The following TGFBR3 variants were observed in gnomAD, a reference collection of about 807,000 sequenced individuals.
TGFBR3 encodes transforming growth factor beta receptor type 3.
TGFBR3 carries 46 observed loss-of-function variants against 87.9 expected under a neutral mutation model. The observed-to-expected ratio is 0.52, with a 90% CI of 0.41 to 0.67. The LOEUF is 0.67. TGFBR3 is among the 30% of genes least tolerant of loss of function. The pLI, the probability that TGFBR3 is intolerant of heterozygous loss-of-function variation, is 0.00. For synonymous variants in TGFBR3, 381 were observed against 391.6 expected, an observed-to-expected ratio of 0.97 and a Z score of 0.32; for missense variants, 866 against 1,041.9, an observed-to-expected ratio of 0.83 and a Z score of 2.32.
At chr1:91,856,074 G>GT (rs1557746953) in intron 2 of TGFBR3, among the ~76,000 whole-genome samples, 1 of 151,870 alleles carries the variant, frequency 6.6e-6, no homozygotes, top group Non-Finnish European at 1.5e-5. Context: ...TGAGTTTTTT[G>GT]TTTTTTGAGA....
chr1:91,733,973 T>G (rs1672862190), intron 5 of TGFBR3, among the ~76,000 whole-genome samples: 1 of 144,214 alleles, frequency 6.9e-6, no homozygotes, highest in Non-Finnish European at 1.5e-5. Flanking sequence ...AGGTTGAGGC[T>G]GCAGTGAGCA....
At chr1:91,741,138 A>G (rs1438009741) in intron 4 of TGFBR3, among the ~76,000 whole-genome samples, 3 of 152,214 alleles carry the variant, frequency 2.0e-5, no homozygotes, top group South Asian at 2.1e-4. Context: ...CGCACAGATT[A>G]AGGGCTCAGT....
chr1:91,846,124 C>T (rs914062622), intron 2 of TGFBR3, among the ~76,000 whole-genome samples: 1 of 152,178 alleles, frequency 6.6e-6, no homozygotes, highest in African/African-American at 2.4e-5. Context: ...TAGCCACAAG[C>T]ACTTCTCCAA....
Position 91,886,136 on chromosome 1 carries a change from C to A in TGFBR3, c.-372G>T. The A allele has an allele frequency of 2.2e-6, 1 of 454,126 alleles. No homozygotes were observed. Among genetic ancestry groups the A allele is most frequent in the South Asian group, 1.6e-5 (1 of 64,480 alleles). 28.1% of individuals were successfully genotyped at this position (454,126 alleles called of 1,614,324 possible). ...GAAGAGGAAAGTGCCGCTCGGCGTC[C>A]CCGAAACCCTCGATTACCCCCATCA... On this transcript the variant is annotated 5_prime_UTR_variant, in exon 1 of 17. Coordinates refer to ENST00000212355, the MANE Select transcript of TGFBR3 (RefSeq NM_003243.5).
At chr1:91,835,458 G>A (rs1018172965) in intron 2 of TGFBR3, among the ~76,000 whole-genome samples, 1 of 152,150 alleles carries the variant, frequency 6.6e-6, no homozygotes, top group Non-Finnish European at 1.5e-5. Flanking sequence ...AAAGGTTGGG[G>A]GCTTAGTCAA....
chr1:91,806,939 G>A (rs1675857278), intron 2 of TGFBR3, among the ~76,000 whole-genome samples: 1 of 152,184 alleles, frequency 6.6e-6, no homozygotes, highest in Non-Finnish European at 1.5e-5. Context: ...CACCCAGGAT[G>A]ATTTCTCAGC....
At chr1:91,804,770 T>C (rs1448651967) in intron 2 of TGFBR3, among the ~76,000 whole-genome samples, 1 of 152,200 alleles carries the variant, frequency 6.6e-6, no homozygotes, top group African/African-American at 2.4e-5. Context: ...GCTGCTACTG[T>C]AGGCCCTCAC....
At chr1:91,775,278 T>G (rs181862002) in intron 3 of TGFBR3, among the ~76,000 whole-genome samples, 243 of 152,278 alleles carry the variant, frequency 1.6e-3, no homozygotes, top group Non-Finnish European at 2.6e-3. Context: ...AAGAAACAAC[T>G]TCTTACTCCG....
intron 3 of TGFBR3, chr1:91,783,298 A>G (rs1674840894): frequency 6.6e-6 from 1 of 152,140 alleles, no homozygotes; most frequent in Non-Finnish European, 1.5e-5. Context: ...AGCCATAAAT[A>G]CAAAGCATTA....
At chr1:91,754,753 G>A (rs771072955) in intron 4 of TGFBR3, among the ~76,000 whole-genome samples, 5 of 152,068 alleles carry the variant, frequency 3.3e-5, no homozygotes, top group Non-Finnish European at 7.4e-5. Flanking sequence ...GTAACATAAG[G>A]CCCTCCTAAC....
intron 4 of TGFBR3, among the ~76,000 whole-genome samples, chr1:91,739,836 T>C (rs1257767791): frequency 6.6e-6 from 1 of 152,088 alleles, no homozygotes; most frequent in African/African-American, 2.4e-5. Context: ...AAACTTACAA[T>C]CATGGTGGAA....
At chr1:91,697,774 C>G (rs1326374895) in intron 15 of TGFBR3, among the ~76,000 whole-genome samples, 1 of 152,152 alleles carries the variant, frequency 6.6e-6, no homozygotes, top group Non-Finnish European at 1.5e-5. Flanking sequence ...CAGGTTAGAG[C>G]AGACATAAGC....
Position 91,722,068 on chromosome 1 carries a change from G to A in TGFBR3, c.962C>T (p.Pro321Leu), listed in dbSNP as rs757821042. Residue 321 changes from proline to leucine, a missense_variant, in exon 8 of 17, where the codon CCT becomes CTT. By Grantham distance (98) the Pro-to-Leu change is moderately conservative. Transcript: ENST00000212355. Reference protein sequence around the residue: ...TMTKSIRDDIPSTQGNLVKWA... With the variant: ...TMTKSIRDDILSTQGNLVKWA... ...CTTCACCAGATTCCCTTGGGTTGAA[G>A]GAATGTCATCTCTTATTGATTTGGT... 3 of 1,613,874 alleles carry A rather than the reference G, an allele frequency of 1.9e-6. No homozygotes were observed. The highest frequency in any genetic ancestry group is 2.5e-6 in the Non-Finnish European group (3 of 1,179,916).
chr1:91,718,945 G>A (rs925375501), intron 10 of TGFBR3, among the ~76,000 whole-genome samples: 4 of 152,142 alleles, frequency 2.6e-5, no homozygotes, highest in Non-Finnish European at 4.4e-5. Flanking sequence ...TGGTTAACCC[G>A]GCTGTGCAGA....
intron 16 of TGFBR3, 121 bp downstream of exon 16, chr1:91,695,551 T>C (rs1392253022): frequency 1.9e-5 from 17 of 876,228 alleles, no homozygotes; most frequent in Admixed American, 5.8e-5. Context: ...TATGTAAATG[T>C]AAAAATAGTA....
At chr1:91,853,259 CAAAAAAAAAA>C (rs11340974) in intron 2 of TGFBR3, among the ~76,000 whole-genome samples, 4 of 76,608 alleles carry the variant, frequency 5.2e-5, no homozygotes, top group African/African-American at 1.3e-4. Flanking sequence ...TGAGGGTTGG[CAAAAAAAAAA>C]AAAAAAAAAA....
chr1:91,892,359 C>T (rs1457027461), intron 2 of TGFBR3, among the ~76,000 whole-genome samples: 1 of 152,068 alleles, frequency 6.6e-6, no homozygotes, highest in Non-Finnish European at 1.5e-5. Flanking sequence ...GAGAACTAGC[C>T]CCACCTCTTT....
chr1:91,787,456 A>G (rs1675011820), intron 3 of TGFBR3, among the ~76,000 whole-genome samples: 1 of 152,202 alleles, frequency 6.6e-6, no homozygotes, highest in African/African-American at 2.4e-5. Context: ...AGCGAACCAC[A>G]GTGACAGCCA....
intron 3 of TGFBR3, among the ~76,000 whole-genome samples, chr1:91,761,740 TCA>T (rs1218879448): frequency 6.6e-6 from 1 of 151,412 alleles, no homozygotes; most frequent in Non-Finnish European, 1.5e-5. Flanking sequence ...GCTAAGTTGC[TCA>T]ATTTCTCCCA....
Sources: allele counts gnomAD v4.1 joint callset (sites outside exome capture counted in the v4.1 genomes callset), GRCh38; gene constraint gnomAD v4.1.1; transcripts MANE v1.5; gene names NCBI Gene and HGNC (gene_info 2026-07-23, HGNC 2026-07-21).